Variants in SGCZ observed in about 807,000 individuals in gnomAD.
SGCZ encodes the protein zeta-sarcoglycan.
SGCZ carries 40 observed loss-of-function variants against 41.3 expected under a neutral mutation model. That is an observed-to-expected ratio of 0.97 (90% CI 0.75 to 1.26). SGCZ has a LOEUF of 1.26. Ranked by LOEUF, SGCZ falls within the 50% of genes most tolerant of loss-of-function variation. The pLI is 0.00. For missense variants in SGCZ, 552 were observed against 369.8 expected, an observed-to-expected ratio of 1.49 and a Z score of -4.04; for synonymous variants, 206 against 137.5, an observed-to-expected ratio of 1.50 and a Z score of -3.49.
chr8:14,352,086 G>T (rs1213002425), intron 2 of SGCZ, among the ~76,000 whole-genome samples: 1 of 152,214 alleles, frequency 6.6e-6, no homozygotes, highest in African/African-American at 2.4e-5. Flanking sequence ...ATTCTTTAAT[G>T]AAAGTTAGCT....
chr8:14,655,397 C>A lies in SGCZ; in HGVS notation c.40-100471G>T, dbSNP rs535439862. The stretch of plus-strand genomic sequence containing the variant: ...TTCCTGTAATCATTTATTTGTATAA[C>A]AATTCTTGTAATTTCCTGCATGCGT... On this transcript the variant is annotated intron_variant, in intron 1 of 7. Coordinates refer to ENST00000382080, the MANE Select transcript of SGCZ (RefSeq NM_139167.4). Among the ~76,000 whole-genome samples, 102 of 152,160 alleles carry A rather than the reference C, an allele frequency of 6.7e-4. 1 individual carries two copies. The highest frequency in any genetic ancestry group is 2.4e-3 in the African/African-American group (101 of 41,512).
At chr8:15,139,019 T>G (rs926522107) in intron 1 of SGCZ, among the ~76,000 whole-genome samples, 6 of 152,216 alleles carry the variant, frequency 3.9e-5, no homozygotes, top group Admixed American at 3.9e-4. Context: ...GATTTAAGCA[T>G]GCCCTAAGTT....
intron 6 of SGCZ, among the ~76,000 whole-genome samples, chr8:14,104,643 C>T (rs1483896161): frequency 6.6e-6 from 1 of 152,074 alleles, no homozygotes; most frequent in African/African-American, 2.4e-5. Context: ...GGTAGAAGAA[C>T]ACCAGCCAAG....
chr8:14,222,792 A>ATTTTTTTTTTTTTTTTTT (rs775444301), intron 4 of SGCZ, among the ~76,000 whole-genome samples: 1 of 48,854 alleles, frequency 2.0e-5, no homozygotes, highest in African/African-American at 9.1e-5. Context: ...AGTCACAGTG[A>ATTTTTTTTTTTTTTTTTT]TTTTTTTTTT....
rs137945511 is a variant in SGCZ, at chr8:14,634,383, T to G, written c.40-79457A>C. On this transcript the variant is annotated intron_variant, in intron 1 of 7. Coordinates refer to ENST00000382080, the MANE Select transcript of SGCZ (RefSeq NM_139167.4). Reference sequence around the variant, plus strand: ...TTTGTATTTTTTTTGTTCTGTGTTTTTTGTGTATTTTTTAAACCACCCACA... The same window carrying G: ...TTTGTATTTTTTTTGTTCTGTGTTTGTTGTGTATTTTTTAAACCACCCACA... 8.8e-3 allele frequency among the ~76,000 whole-genome samples: 1,336 copies of G among 151,998 alleles called. 19 individuals are homozygous for G. The highest frequency in any genetic ancestry group is 0.031 in the African/African-American group (1,267 of 41,538).
chr8:14,345,797 GA>G (rs1802873505), intron 2 of SGCZ, among the ~76,000 whole-genome samples: 1 of 152,232 alleles, frequency 6.6e-6, no homozygotes, highest in East Asian at 1.9e-4. Flanking sequence ...CCTAGATCAT[GA>G]TTCTAGACCA....
chr8:14,418,871 C>A (rs1274907186), intron 2 of SGCZ, among the ~76,000 whole-genome samples: 1 of 151,948 alleles, frequency 6.6e-6, no homozygotes, highest in Admixed American at 6.6e-5. Flanking sequence ...GGAACCCCCA[C>A]ATTTTATTTT....
chr8:14,939,739 A>C (rs1005476087), intron 1 of SGCZ, among the ~76,000 whole-genome samples: 1 of 152,128 alleles, frequency 6.6e-6, no homozygotes, highest in African/African-American at 2.4e-5. Context: ...AGAAACTCCC[A>C]GGTAAGACCG....
chr8:15,102,272 C>A (rs1806644208), intron 1 of SGCZ, among the ~76,000 whole-genome samples: 1 of 152,036 alleles, frequency 6.6e-6, no homozygotes, highest in Non-Finnish European at 1.5e-5. Flanking sequence ...ACCTTCAATG[C>A]AGATTTGCTA....
chr8:14,267,978 C>G (rs1799932159), intron 3 of SGCZ, among the ~76,000 whole-genome samples: 1 of 151,662 alleles, frequency 6.6e-6, no homozygotes, highest in South Asian at 2.1e-4. Flanking sequence ...TCAATTATAG[C>G]ATTTCAAAAG....
chr8:14,952,349 C>T (rs1359991725), intron 1 of SGCZ, among the ~76,000 whole-genome samples: 3 of 151,260 alleles, frequency 2.0e-5, no homozygotes, highest in Admixed American at 2.0e-4. Flanking sequence ...CCTTTTTTTT[C>T]CTACTTTCAT....
intron 1 of SGCZ, among the ~76,000 whole-genome samples, chr8:14,688,936 T>C (rs943625376): frequency 6.6e-5 from 10 of 152,036 alleles, no homozygotes; most frequent in African/African-American, 2.4e-4. Flanking sequence ...AAAATCAATA[T>C]ACAAAAATCA....
intron 2 of SGCZ, among the ~76,000 whole-genome samples, chr8:14,513,627 G>A (rs898073351): frequency 1.3e-5 from 2 of 148,440 alleles, no homozygotes; most frequent in South Asian, 2.1e-4. Flanking sequence ...CATATTTGAT[G>A]CATGTTCTTA....
chr8:14,316,258 G>A (rs1801711627), intron 3 of SGCZ, among the ~76,000 whole-genome samples: 1 of 151,828 alleles, frequency 6.6e-6, no homozygotes, highest in Non-Finnish European at 1.5e-5. Context: ...CTAGAACTGA[G>A]CATATGCAAT....
intron 1 of SGCZ, among the ~76,000 whole-genome samples, chr8:15,153,420 A>T (rs905152155): frequency 5.3e-5 from 8 of 152,202 alleles, no homozygotes; most frequent in African/African-American, 1.9e-4. Flanking sequence ...TGAGAATGCC[A>T]GACAGCTTGC....
In SGCZ at chr8:15,237,811, A is replaced by G. The variant is rs1217465580; in HGVS notation, c.-188T>C. Reference sequence around the variant, plus strand: ...TAAGGAAAATAAATAAATAATAATGATAATTCACTTTATTTTACTTCCTCA... The same window carrying G: ...TAAGGAAAATAAATAAATAATAATGGTAATTCACTTTATTTTACTTCCTCA... On this transcript the variant is annotated 5_prime_UTR_variant, in exon 1 of 8. Transcript: ENST00000382080. 1.9e-5 allele frequency: 11 copies of G among 574,004 alleles called. No individual in the cohort carries two copies. The highest frequency in any genetic ancestry group is 6.2e-6 in the Non-Finnish European group (2 of 321,166). The allele number at this position is 574,004 out of a possible 1,614,324, so 35.6% of individuals were successfully genotyped here.
intron 2 of SGCZ, among the ~76,000 whole-genome samples, chr8:14,432,182 A>G (rs1162416332): frequency 6.6e-6 from 1 of 152,224 alleles, no homozygotes; most frequent in Non-Finnish European, 1.5e-5. Flanking sequence ...ACTACTGGGT[A>G]TCTACCCAGA....
At chr8:14,932,917 G>A (rs935816007) in intron 1 of SGCZ, among the ~76,000 whole-genome samples, 4 of 151,946 alleles carry the variant, frequency 2.6e-5, no homozygotes, top group Admixed American at 2.6e-4. Context: ...TTCATTTCAA[G>A]AGGCCGTTAT....
chr8:15,065,028 A>G (rs1421482601), intron 1 of SGCZ, among the ~76,000 whole-genome samples: 1 of 152,246 alleles, frequency 6.6e-6, no homozygotes, highest in East Asian at 1.9e-4. Flanking sequence ...AATTCAATAC[A>G]ACACCAGCAA....
Sources: gnomAD v4.1 joint callset for allele counts (sites outside exome capture counted in the v4.1 genomes callset) on GRCh38, gnomAD v4.1.1 for gene constraint, MANE v1.5 for transcripts, NCBI Gene and HGNC (gene_info 2026-07-23, HGNC 2026-07-21) for gene names.